Variants in TCAIM observed in about 807,000 individuals in gnomAD.
TCAIM encodes T-cell activation inhibitor, mitochondrial.
A neutral mutation model predicts 58.6 loss-of-function variants in TCAIM; 36 were observed. That is an observed-to-expected ratio of 0.61 (90% CI 0.47 to 0.81). The LOEUF is 0.81. Among genes scored for constraint, TCAIM ranks in the 30% least tolerant of loss-of-function variants. The pLI, the probability that TCAIM is intolerant of heterozygous loss-of-function variation, is 0.00. For synonymous variants in TCAIM, 172 were observed against 193.6 expected, an observed-to-expected ratio of 0.89 and a Z score of 0.93; for missense variants, 466 against 579.6, an observed-to-expected ratio of 0.80 and a Z score of 2.01.
At chr3:44,351,498 T>C in intron 1 of TCAIM, among the ~76,000 whole-genome samples, 1 of 152,046 alleles carries the variant, frequency 6.6e-6, no homozygotes, top group South Asian at 2.1e-4. Context: ...TATTTTATTT[T>C]ATTTATTTAT....
At chr3:44,364,458 G>C (rs951601650) in intron 4 of TCAIM, among the ~76,000 whole-genome samples, 4 of 152,100 alleles carry the variant, frequency 2.6e-5, no homozygotes, top group Non-Finnish European at 4.4e-5. Context: ...AAAATCTTTA[G>C]GCCATGCGTG....
intron 1 of TCAIM, among the ~76,000 whole-genome samples, chr3:44,352,065 A>T (rs73829631): frequency 1.2e-3 from 177 of 148,770 alleles, no homozygotes; most frequent in African/African-American, 4.0e-3. Context: ...TATTATATAT[A>T]AAGTCATATA....
intron 1 of TCAIM, among the ~76,000 whole-genome samples, chr3:44,349,568 GCTTGCCAC>G (rs1352000355): frequency 6.6e-6 from 1 of 152,054 alleles, no homozygotes; most frequent in Non-Finnish European, 1.5e-5. Flanking sequence ...GGGAGGTTAT[GCTTGCCAC>G]CAAAGTGAAG....
At chr3:44,341,042 A>G (rs1700845771) in intron 1 of TCAIM, 1 of 152,174 alleles carries the variant, frequency 6.6e-6, no homozygotes, top group Non-Finnish European at 1.5e-5. Flanking sequence ...TTTGTATAGG[A>G]AGTGATCATC....
chr3:44,371,155 G>A (rs1701463241), intron 5 of TCAIM, among the ~76,000 whole-genome samples: 1 of 151,502 alleles, frequency 6.6e-6, no homozygotes, highest in Admixed American at 6.6e-5. Context: ...CAGGTGATCC[G>A]CCCACCTCGA....
intron 5 of TCAIM, among the ~76,000 whole-genome samples, chr3:44,383,941 A>G (rs1701695454): frequency 6.6e-6 from 1 of 152,126 alleles, no homozygotes; most frequent in Non-Finnish European, 1.5e-5. Context: ...TAAGGTTAGG[A>G]AAAATATGTT....
Position 44,342,070 on chromosome 3 carries a change from T to C in TCAIM, c.-45+3236T>C, listed in dbSNP as rs191140059. On this transcript the variant is annotated intron_variant, in intron 1 of 10. Coordinates refer to ENST00000342649, the MANE Select transcript of TCAIM (RefSeq NM_173826.4). ...TAGATAACGTTTTCTCATTTGTATTTCATTTCGTATTCTTTATTACTAGTA... is the reference window on the plus strand; with the variant it reads ...TAGATAACGTTTTCTCATTTGTATTCCATTTCGTATTCTTTATTACTAGTA... 2.6e-3 allele frequency among the ~76,000 whole-genome samples: 394 copies of C among 152,360 alleles called. 5 individuals are homozygous for C. The highest frequency in any genetic ancestry group is 9.2e-3 in the African/African-American group (381 of 41,596).
At position 44,400,286 on chromosome 3, in the gene TCAIM, G is replaced by A. The variant is rs930843883; in HGVS notation, c.886-69G>A. On this transcript the variant is annotated intron_variant, in intron 8 of 10. Coordinates refer to ENST00000342649, the MANE Select transcript of TCAIM (RefSeq NM_173826.4). Reference sequence around the variant, plus strand: ...TAAAAATGTCTTAATGCCATTTATTGGAATTCTAAAATTAAATTATTATAG... The same window carrying A: ...TAAAAATGTCTTAATGCCATTTATTAGAATTCTAAAATTAAATTATTATAG... The A allele has an allele frequency of 9.1e-6, 11 of 1,210,648 alleles. 2 individuals are homozygous for A. The highest frequency in any genetic ancestry group is 2.6e-5 in the East Asian group (1 of 38,190). The allele number at this position is 1,210,648 out of a possible 1,614,324, so 75.0% of individuals were successfully genotyped here. A position where few individuals can be genotyped will look rare whatever the true frequency, so the allele number is the denominator to read the frequency against.
At position 44,396,751 on chromosome 3, in the gene TCAIM, A is replaced by G. The variant is rs747038189; in HGVS notation, c.802A>G (p.Ile268Val). ...ETLKKAKGCT[I>V]IFTDRSGMSA... Reference sequence around the variant, plus strand: ...TTGTGTTTTGTCATCAGGGTGTACAATCATATTTACAGACCGTTCTGGCAT... The same window carrying G: ...TTGTGTTTTGTCATCAGGGTGTACAGTCATATTTACAGACCGTTCTGGCAT... The change falls in exon 8 of 11, where the codon ATC becomes GTC. Residue 268 changes from isoleucine (I) to valine (V), a missense_variant. Ile to Val is a conservative substitution (Grantham distance 29). Coordinates refer to ENST00000342649, the MANE Select transcript of TCAIM (RefSeq NM_173826.4). 6 of 1,613,848 alleles carry G rather than the reference A, an allele frequency of 3.7e-6. No homozygotes were observed. Among genetic ancestry groups the G allele is most frequent in the East Asian group, 4.5e-5 (2 of 44,888 alleles).
At chr3:44,365,542 G>C (rs2125636666) in intron 4 of TCAIM, among the ~76,000 whole-genome samples, 1 of 152,184 alleles carries the variant, frequency 6.6e-6, no homozygotes, top group South Asian at 2.1e-4. Flanking sequence ...TGGCCAGGCT[G>C]GTCTCCAACT....
intron 3 of TCAIM, 80 bp from the exon 4 acceptor site, chr3:44,361,285 T>C: frequency 8.0e-7 from 1 of 1,244,044 alleles, no homozygotes; most frequent in Middle Eastern, 2.0e-4. Flanking sequence ...TCTCAATGTG[T>C]TTAAAAGGTT....
intron 5 of TCAIM, among the ~76,000 whole-genome samples, chr3:44,384,002 A>G (rs1701696170): frequency 6.6e-6 from 1 of 152,144 alleles, no homozygotes; most frequent in Non-Finnish European, 1.5e-5. Flanking sequence ...CATTTCTTAT[A>G]AAATCAGCAT....
At chr3:44,359,078 A>AG in intron 3 of TCAIM, 1 of 982,296 alleles carries the variant, frequency 1.0e-6, no homozygotes, top group African/African-American at 1.7e-5. Context: ...CTACCAATGT[A>AG]TTTTTTTTAA....
rs942569438 is a variant in TCAIM, at chr3:44,393,115, A to G, written c.695+138A>G. The G allele has an allele frequency of 3.0e-5, 22 of 728,278 alleles. No individual in the cohort carries two copies. The African/African-American group carries it at 3.5e-4, about 12-fold the overall frequency. 45.1% of individuals were successfully genotyped at this position (728,278 alleles called of 1,614,324 possible). ...CTCTTCAATTATCTTTATGAACATC[A>G]TGAAATGTTCATCTGTGTAAGAAAA... is the stretch of plus-strand genomic sequence containing the variant. On this transcript the variant is annotated intron_variant, in intron 6 of 10. Transcript: ENST00000342649.
chr3:44,362,837 A>G (rs1701314530), intron 4 of TCAIM: 1 of 157,234 alleles, frequency 6.4e-6, no homozygotes. Flanking sequence ...GATTGTTACT[A>G]GTGTAAAACC....
At chr3:44,372,068 AG>A (rs1311089633) in intron 5 of TCAIM, among the ~76,000 whole-genome samples, 5 of 140,476 alleles carry the variant, frequency 3.6e-5, no homozygotes, top group African/African-American at 7.8e-5. Flanking sequence ...GAAGGAAGGA[AG>A]GAAGGAAGAT....
chr3:44,353,601 A>G (rs1461129206), intron 1 of TCAIM, among the ~76,000 whole-genome samples: 1 of 152,182 alleles, frequency 6.6e-6, no homozygotes, highest in Non-Finnish European at 1.5e-5. Context: ...GGTGTTGTCA[A>G]TGTTTTGGAT....
At chr3:44,355,573 C>T (rs899708051) in intron 2 of TCAIM, among the ~76,000 whole-genome samples, 1 of 152,046 alleles carries the variant, frequency 6.6e-6, no homozygotes, top group Non-Finnish European at 1.5e-5. Context: ...ATGTACAGTC[C>T]AGTTTTGTAG....
chr3:44,379,210 A>T (rs112595282), intron 5 of TCAIM, among the ~76,000 whole-genome samples: 23 of 148,792 alleles, frequency 1.5e-4, no homozygotes, highest in East Asian at 7.7e-4. Flanking sequence ...ATTAATTAAT[A>T]AATAAATAAC....
Sources: allele counts gnomAD v4.1 joint callset (sites outside exome capture counted in the v4.1 genomes callset), GRCh38; gene constraint gnomAD v4.1.1; transcripts MANE v1.5; gene names NCBI Gene and HGNC (gene_info 2026-07-23, HGNC 2026-07-21).